Variants in RGS7 observed in about 807,000 individuals in gnomAD.
The protein encoded by RGS7 is regulator of G-protein signaling 7.
RGS7 carries 27 observed loss-of-function variants against 81.1 expected under a neutral mutation model. The ratio of observed to expected loss-of-function variants is 0.33; its 90% CI spans 0.25 to 0.46. The LOEUF is 0.46. Ranked by LOEUF, RGS7 falls within the 20% of genes least tolerant of loss-of-function variation. The pLI, the probability that RGS7 is intolerant of heterozygous loss-of-function variation, is 1.00. For synonymous variants in RGS7, 208 were observed against 207.7 expected (o/e 1.00, Z -0.01); for missense variants, 396 against 607.4 (o/e 0.65, Z 3.66).
Position 241,163,211 on chromosome 1 carries a change from C to G in RGS7, c.79-64449G>C, listed in dbSNP as rs2069878225. 6.6e-6 allele frequency among the ~76,000 whole-genome samples: 1 copy of G among 152,104 alleles called. No homozygotes were observed. Among genetic ancestry groups the G allele is most frequent in the South Asian group, 2.1e-4 (1 of 4,828 alleles). On this transcript the variant is annotated intron_variant, in intron 2 of 18. Transcript: ENST00000440928. The surrounding 1 kb of genome is among the most constrained non-coding windows in gnomAD (Gnocchi z 4.6). ...CTGAAGCAAGACTTGGCAGTGACCTCCTAACTTTATCAGTGAAAAGAAGGT... is the reference window on the plus strand; with the variant it reads ...CTGAAGCAAGACTTGGCAGTGACCTGCTAACTTTATCAGTGAAAAGAAGGT...
intron 9 of RGS7, among the ~76,000 whole-genome samples, chr1:240,842,199 A>ATTTTTTTTTTTTTTGTTTTTTTTTT (rs1658160216): frequency 1.3e-5 from 1 of 78,676 alleles, no homozygotes; most frequent in Non-Finnish European, 2.5e-5. Flanking sequence ...TTTGTCAGGA[A>ATTTTTTTTTTTTTTGTTTTTTTTTT]TTTTTTTTTT....
rs550707338 is a variant in RGS7 at position 241,135,198 on chromosome 1, G to A, written c.79-36436C>T. On this transcript the variant is annotated intron_variant, in intron 2 of 18. Coordinates refer to ENST00000440928, the MANE Select transcript of RGS7 (RefSeq NM_001364886.1). ...TCCCAGCACTTTGGGAAGCCAAGAC[G>A]GGCAGATCACGAGGTCAGGAGATGG... Among the ~76,000 whole-genome samples, 4 of 152,228 alleles carry A rather than the reference G, an allele frequency of 2.6e-5. No individual in the cohort carries two copies. In the East Asian group the frequency reaches 7.8e-4, roughly 30 times the overall value.
intron 2 of RGS7, among the ~76,000 whole-genome samples, chr1:241,353,011 A>G (rs2083343311): frequency 2.0e-5 from 3 of 152,244 alleles, no homozygotes; most frequent in Admixed American, 2.0e-4. Context: ...CCCAGTTCAG[A>G]ACACACTTTC....
Position 241,183,190 on chromosome 1 carries a change from C to T in RGS7, c.79-84428G>A, listed in dbSNP as rs147374345. ...GTAGACCATGTCCCACCTCTCAATC[C>T]TTGAACTTCGTTCATGTGGTAAGAT... On this transcript the variant is annotated intron_variant, in intron 2 of 18. Coordinates refer to ENST00000440928, the MANE Select transcript of RGS7 (RefSeq NM_001364886.1). Among the ~76,000 whole-genome samples the T allele has an allele frequency of 1.6e-4, 25 of 152,332 alleles. No individual in the cohort carries two copies. The East Asian group carries it at 4.4e-3, about 27-fold the overall frequency.
chr1:241,002,218 G>A (rs145917651), intron 3 of RGS7, among the ~76,000 whole-genome samples: 1 of 151,812 alleles, frequency 6.6e-6, no homozygotes, highest in Non-Finnish European at 1.5e-5. Context: ...AGGCCGAGGC[G>A]GGTGGATCAC....
chr1:241,305,809 G>C, intron 2 of RGS7: 2 of 285,218 alleles, frequency 7.0e-6, no homozygotes, highest in South Asian at 6.4e-5. Context: ...CGCCCGCTTG[G>C]CTGTGCCTTG....
intron 3 of RGS7, among the ~76,000 whole-genome samples, chr1:241,015,914 G>A (rs1384675346): frequency 6.6e-6 from 1 of 152,148 alleles, no homozygotes; most frequent in East Asian, 1.9e-4. Context: ...AAGTTCTGTG[G>A]CTTGCACTGC....
rs186767456 is a variant in RGS7, at chr1:241,273,663, C to T, written c.78+82036G>A. Reference sequence around the variant, plus strand: ...GGTGGAATTATTCTCAGCTTTCCTGCCCAACTCTAGCCCTCATAGGACTTC... The same window carrying T: ...GGTGGAATTATTCTCAGCTTTCCTGTCCAACTCTAGCCCTCATAGGACTTC... On this transcript the variant is annotated intron_variant, in intron 2 of 18. Coordinates refer to ENST00000440928, the MANE Select transcript of RGS7 (RefSeq NM_001364886.1). Among the ~76,000 whole-genome samples the T allele has an allele frequency of 2.1e-3, 321 of 152,176 alleles. 3 individuals are homozygous for T. The highest frequency in any genetic ancestry group is 6.6e-4 in the Non-Finnish European group (45 of 68,016).
chr1:241,179,065 TTCAA>T (rs67487831), intron 2 of RGS7, among the ~76,000 whole-genome samples: 46,189 of 151,934 alleles, frequency 0.3, 7,753 homozygotes, highest in East Asian at 0.4. Flanking sequence ...GCCTGATATG[TTCAA>T]TCAAACAATA....
chr1:241,314,932 T>C (rs1003837154), intron 2 of RGS7, among the ~76,000 whole-genome samples: 3 of 152,044 alleles, frequency 2.0e-5, no homozygotes, highest in Admixed American at 6.6e-5. Flanking sequence ...AAACTGATAG[T>C]AGTAGCAGTA....
chr1:241,050,529 A>G (rs2061191986), intron 3 of RGS7, among the ~76,000 whole-genome samples: 2 of 152,162 alleles, frequency 1.3e-5, no homozygotes, highest in South Asian at 4.1e-4. Flanking sequence ...AAGATAGTAC[A>G]TATATTATTG....
intron 2 of RGS7, among the ~76,000 whole-genome samples, chr1:241,322,748 T>C (rs369036789): frequency 6.6e-6 from 1 of 152,214 alleles, no homozygotes; most frequent in African/African-American, 2.4e-5. Flanking sequence ...AAGATGTTAG[T>C]TTGGAAATAC....
intron 9 of RGS7, among the ~76,000 whole-genome samples, chr1:240,838,606 T>G (rs1695078222): frequency 6.6e-6 from 1 of 152,214 alleles, no homozygotes; most frequent in African/African-American, 2.4e-5. Context: ...GATTTCATAT[T>G]TATTGCTAAG....
intron 6 of RGS7, among the ~76,000 whole-genome samples, chr1:240,921,382 G>A (rs897052216): frequency 1.3e-5 from 2 of 151,912 alleles, no homozygotes; most frequent in African/African-American, 4.8e-5. Context: ...ATGCAAGAAT[G>A]TCCCCTCTCG....
chr1:240,779,294 T>C (rs181307980), intron 18 of RGS7, among the ~76,000 whole-genome samples: 1 of 152,028 alleles, frequency 6.6e-6, no homozygotes, highest in East Asian at 1.9e-4. Context: ...GTAGCTGGGA[T>C]TACAGGCATG....
intron 2 of RGS7, among the ~76,000 whole-genome samples, chr1:241,166,134 G>C (rs1275750117): frequency 6.6e-6 from 1 of 152,168 alleles, no homozygotes; most frequent in Non-Finnish European, 1.5e-5. Context: ...ACAGGAGACT[G>C]ATTTACACAT....
At chr1:241,096,336 T>C (rs974927042) in intron 3 of RGS7, among the ~76,000 whole-genome samples, 1 of 152,030 alleles carries the variant, frequency 6.6e-6, no homozygotes, top group Non-Finnish European at 1.5e-5. Context: ...GACTGAAAAC[T>C]TCTAGTAAAG....
chr1:240,918,954 C>T (rs1673045242), intron 6 of RGS7, among the ~76,000 whole-genome samples: 1 of 152,076 alleles, frequency 6.6e-6, no homozygotes, highest in African/African-American at 2.4e-5. Flanking sequence ...ACAACTCAAC[C>T]CCACAAATTT....
chr1:240,932,116 T>C (rs899041684), intron 5 of RGS7, among the ~76,000 whole-genome samples: 4 of 152,148 alleles, frequency 2.6e-5, no homozygotes, highest in Admixed American at 6.5e-5. Flanking sequence ...GAAGGGAAAA[T>C]GGGTAGATAG....
Sources: gnomAD v4.1 joint callset for allele counts (sites outside exome capture counted in the v4.1 genomes callset) on GRCh38, gnomAD v4.1.1 for gene constraint, Gnocchi (gnomAD v3.1) non-coding constraint, MANE v1.5 for transcripts, NCBI Gene and HGNC (gene_info 2026-07-23, HGNC 2026-07-21) for gene names.